RCBTB1: variants seen among roughly 807,000 people sequenced by gnomAD.
RCBTB1 encodes the protein RCC1 and BTB domain-containing protein 1.
In RCBTB1, 46 loss-of-function variants were observed where a neutral mutation model predicts 62.4. The observed-to-expected ratio is 0.74, with a 90% CI of 0.58 to 0.94. RCBTB1 has a LOEUF of 0.94. Ranked by LOEUF, RCBTB1 falls within the 40% of genes least tolerant of loss-of-function variation. The probability of loss-of-function intolerance (pLI) is 0.00; values close to 1 mark genes in which losing one functional copy is unlikely to be tolerated. For synonymous variants in RCBTB1, 222 were observed against 245.8 expected (o/e 0.90, Z 0.91); for missense variants, 565 against 654.9 (o/e 0.86, Z 1.50).
chr13:49,543,507 T>C (rs1253867918), intron 10 of RCBTB1, among the ~76,000 whole-genome samples: 1 of 152,156 alleles, frequency 6.6e-6, no homozygotes, highest in African/African-American at 2.4e-5. Flanking sequence ...AGGAATGACA[T>C]AGGGCTTTTC....
chr13:49,566,270 TA>T (rs1241876588), intron 4 of RCBTB1, among the ~76,000 whole-genome samples: 3 of 87,372 alleles, frequency 3.4e-5, no homozygotes, highest in East Asian at 3.5e-4. Context: ...AAAAATAAAA[TA>T]AAATAAATAA....
rs186943450 is a variant in RCBTB1, at chr13:49,534,291, A to C, written c.1456-29T>G. On this transcript the variant is annotated intron_variant, in intron 12 of 12. Transcript: ENST00000378302. ...GACACACAACAAAAATAAAAACAAA[A>C]ATGGCTTTTTTAGGCAACTTTGATT... The C allele has an allele frequency of 2.7e-5, 43 of 1,599,854 alleles. No individual in the cohort carries two copies. In the East Asian group the frequency reaches 9.6e-4, roughly 36 times the overall value.
rs1962297308 is a variant in RCBTB1, at chr13:49,559,952, G to C, written c.410C>G (p.Ser137Ter). Residue 137 changes from serine (S) to a stop codon, truncating the protein, a stop_gained, in exon 5 of 13, where the codon TCA (serine) becomes TGA (stop). Transcript: ENST00000378302. LOFTEE classifies it high-confidence loss of function. ...IKQVVEVACGSHHSMALAADG... is the reference protein window; with the variant it reads ...IKQVVEVACG ...AGCTGCCAGAGCCATTGAATGATGT[G>C]AGCCACAAGCTACTTCCACCACTTG... The C allele has an allele frequency of 6.2e-7, 1 of 1,614,010 alleles. No individual in the cohort carries two copies. The highest frequency in any genetic ancestry group is 8.5e-7 in the Non-Finnish European group (1 of 1,179,974).
At chr13:49,554,599 G>A (rs1439669403) in intron 6 of RCBTB1, among the ~76,000 whole-genome samples, 1 of 152,144 alleles carries the variant, frequency 6.6e-6, no homozygotes, top group African/African-American at 2.4e-5. Context: ...AGCGGGCAAG[G>A]GAGTATTACT....
At chr13:49,547,798 T>G (rs550152142) in intron 9 of RCBTB1, among the ~76,000 whole-genome samples, 3 of 152,288 alleles carry the variant, frequency 2.0e-5, no homozygotes, top group Non-Finnish European at 4.4e-5. Context: ...GTTGTTTGCT[T>G]TTTTTATTGA....
chr13:49,560,165 C>T, intron 4 of RCBTB1, 81 bp from the exon 5 acceptor site: 1 of 1,464,512 alleles, frequency 6.8e-7, no homozygotes, highest in Non-Finnish European at 9.3e-7. Flanking sequence ...CTTCGTACAG[C>T]TCCTTCTCCA....
chr13:49,577,570 T>G (rs111231984), intron 2 of RCBTB1, among the ~76,000 whole-genome samples: 1 of 152,222 alleles, frequency 6.6e-6, no homozygotes, highest in Non-Finnish European at 1.5e-5. Context: ...AATAGGGTAT[T>G]CTACCTTTAG....
At chr13:49,573,451 T>A (rs2137357817) in intron 2 of RCBTB1, among the ~76,000 whole-genome samples, 1 of 149,562 alleles carries the variant, frequency 6.7e-6, no homozygotes, top group Non-Finnish European at 1.5e-5. Flanking sequence ...TCCTCATCTT[T>A]TTTTTTTTTT....
chr13:49,538,225 C>G (rs1335593199), intron 12 of RCBTB1: 1 of 152,454 alleles, frequency 6.6e-6, no homozygotes, highest in African/African-American at 2.4e-5. Flanking sequence ...AACTCCTAGC[C>G]TCAAGCAATC....
In RCBTB1 at chr13:49,534,261, T is replaced by C. The variant is rs765572607; in HGVS notation, c.1457A>G (p.Asp486Gly). 19 of 1,609,634 alleles carry C rather than the reference T, an allele frequency of 1.2e-5. No individual in the cohort carries two copies. The South Asian group carries it at 1.8e-4, about 15-fold the overall frequency. ...FSAAVRYDAE[D>G]LEEFCFKFCI... is the part of the protein sequence containing the mutation. ...AAACTTAAAGCAGAATTCTTCTAAATCCTGGACACACAACAAAAATAAAAA... is the reference window on the plus strand; with the variant it reads ...AAACTTAAAGCAGAATTCTTCTAAACCCTGGACACACAACAAAAATAAAAA... Residue 486 changes from aspartate (D) to glycine (G), a missense_variant and splice_region_variant, in exon 13 of 13, where the codon GAT becomes GGT. Physicochemically the swap from Asp to Gly is moderately conservative, Grantham distance 94 (BLOSUM62 -1). Transcript: ENST00000378302.
At chr13:49,557,554 A>T (rs1279647349) in intron 5 of RCBTB1, among the ~76,000 whole-genome samples, 1 of 152,162 alleles carries the variant, frequency 6.6e-6, no homozygotes. Context: ...TCACTAAAAA[A>T]AAAAGTACAG....
At position 49,559,858 on chromosome 13, in the gene RCBTB1, T is replaced by C. The variant is rs1478164854; in HGVS notation, c.444+60A>G. On this transcript the variant is annotated intron_variant, in intron 5 of 12. Transcript: ENST00000378302. ...ACTGGTGAAGCTGGTAAATTTTATGTTAAGTGTATTTACTATGATGAAAAA... is the reference window on the plus strand; with the variant it reads ...ACTGGTGAAGCTGGTAAATTTTATGCTAAGTGTATTTACTATGATGAAAAA... 1.8e-5 allele frequency: 27 copies of C among 1,492,048 alleles called. 1 individual carries two copies. The highest frequency in any genetic ancestry group is 3.9e-4 in the Middle Eastern group (2 of 5,114). The allele number at this position is 1,492,048 out of a possible 1,614,324, so 92.4% of individuals were successfully genotyped here. A position where few individuals can be genotyped will look rare whatever the true frequency, so the allele number is the denominator to read the frequency against.
chr13:49,542,366 T>C (rs1960455335), intron 10 of RCBTB1, among the ~76,000 whole-genome samples: 2 of 152,214 alleles, frequency 1.3e-5, no homozygotes, highest in Admixed American at 6.5e-5. Context: ...TTGTAACTCC[T>C]ATTAAATACT....
At chr13:49,550,154 T>C (rs1476429557) in intron 8 of RCBTB1, among the ~76,000 whole-genome samples, 1 of 152,108 alleles carries the variant, frequency 6.6e-6, no homozygotes, top group Non-Finnish European at 1.5e-5. Context: ...AAGTTTTGTA[T>C]TTTTTATAGA....
intron 5 of RCBTB1, among the ~76,000 whole-genome samples, chr13:49,558,867 T>C (rs1377292742): frequency 6.6e-6 from 1 of 152,220 alleles, no homozygotes; most frequent in Non-Finnish European, 1.5e-5. Flanking sequence ...CAAACATTTA[T>C]TCCTTGACTT....
Position 49,541,704 on chromosome 13 carries a change from T to C in RCBTB1, c.1296A>G (p.Thr432=), listed in dbSNP as rs2139134470. ...RAFLQYLYTD[T]VDLPPEDAIG... is the part of the protein sequence containing the mutation. ...TAGCATCTTCTGGCGGCAGGTCGAC[T>C]GTGTCTGTGTAGAGGTACTGGAGAA... is the stretch of plus-strand genomic sequence containing the variant. The change falls in exon 11 of 13, where the codon ACA becomes ACG. Residue 432 remains threonine, a synonymous_variant. Coordinates refer to ENST00000378302, the MANE Select transcript of RCBTB1 (RefSeq NM_018191.4). 2 of 1,612,910 alleles carry C rather than the reference T, an allele frequency of 1.2e-6. No homozygotes were observed. Among genetic ancestry groups the C allele is most frequent in the Non-Finnish European group, 8.5e-7 (1 of 1,179,658 alleles).
Position 49,534,178 on chromosome 13 carries a change from G to T in RCBTB1, c.1540C>A (p.Pro514Thr), listed in dbSNP as rs745694838. Residue 514 changes from proline to threonine, a missense_variant, in exon 13 of 13, where the codon CCT becomes ACT. Coordinates refer to ENST00000378302, the MANE Select transcript of RCBTB1 (RefSeq NM_018191.4). Reference protein sequence around the residue: ...QTAAFWQMDGPLLKEFIAKAS... With the variant: ...QTAAFWQMDGTLLKEFIAKAS... ...TTAGCAATGAATTCCTTTAGCAGAG[G>T]GCCATCCATTTGCCAAAATGCTGCA... is the stretch of plus-strand genomic sequence containing the variant. 2 of 1,614,028 alleles carry T rather than the reference G, an allele frequency of 1.2e-6. No individual in the cohort carries two copies. Among genetic ancestry groups the T allele is most frequent in the Non-Finnish European group, 1.7e-6 (2 of 1,179,982 alleles).
At position 49,532,178 on chromosome 13, in the gene RCBTB1, G is replaced by C. The variant is rs1959610937; in HGVS notation, c.*1944C>G. 1 of 137,856 alleles carries C rather than the reference G, an allele frequency of 7.3e-6. No homozygotes were observed. The highest frequency in any genetic ancestry group is 1.6e-5 in the Non-Finnish European group (1 of 62,596). 8.5% of individuals were successfully genotyped at this position (137,856 alleles called of 1,614,324 possible). A position where few individuals can be genotyped will look rare whatever the true frequency, so the allele number is the denominator to read the frequency against. ...AACAAAAAAACAAGTAGAAAAATAA[G>C]AGAGTGTATTTAAAAAAAATAATCA... On this transcript the variant is annotated 3_prime_UTR_variant, in exon 13 of 13. Coordinates refer to ENST00000378302, the MANE Select transcript of RCBTB1 (RefSeq NM_018191.4).
At chr13:49,578,055 T>C (rs1010230321) in intron 2 of RCBTB1, among the ~76,000 whole-genome samples, 1 of 152,200 alleles carries the variant, frequency 6.6e-6, no homozygotes, top group East Asian at 1.9e-4. Flanking sequence ...TGGAAAAAAG[T>C]ACTATTGTAT....
Sources: gnomAD v4.1 joint callset for allele counts (sites outside exome capture counted in the v4.1 genomes callset) on GRCh38, gnomAD v4.1.1 for gene constraint, MANE v1.5 for transcripts, NCBI Gene and HGNC (gene_info 2026-07-23, HGNC 2026-07-21) for gene names.